The following ZPBP variants were observed in gnomAD, a reference collection of about 807,000 sequenced individuals.
The protein encoded by ZPBP is zona pellucida binding protein, also known as zona pellucida-binding protein 1.
ZPBP carries 26 observed loss-of-function variants against 44.8 expected under a neutral mutation model. The ratio of observed to expected loss-of-function variants is 0.58; its 90% confidence interval spans 0.43 to 0.81. The LOEUF (loss-of-function observed/expected upper bound fraction) is 0.81. Among genes scored for constraint, ZPBP ranks in the 30% least tolerant of loss-of-function variants. The pLI, the probability that ZPBP is intolerant of heterozygous loss-of-function variation, is 0.00. For synonymous variants in ZPBP, 174 were observed against 153.2 expected (o/e 1.14, Z -1.00); for missense variants, 409 against 434.0 (o/e 0.94, Z 0.51).
intron 3 of ZPBP, 122 bp downstream of exon 3, chr7:50,081,652 G>C: frequency 7.9e-7 from 1 of 1,261,050 alleles, no homozygotes; most frequent in East Asian, 2.6e-5. Flanking sequence ...ACTCCAAAAG[G>C]AAATCACAAG....
chr7:49,938,540 C>A (rs1241806244), intron 7 of ZPBP, among the ~76,000 whole-genome samples: 1 of 152,174 alleles, frequency 6.6e-6, no homozygotes, highest in African/African-American at 2.4e-5. Flanking sequence ...AATTTCATAA[C>A]ATTAATGTAT....
intron 4 of ZPBP, among the ~76,000 whole-genome samples, chr7:50,031,702 C>T: frequency 6.6e-6 from 1 of 152,150 alleles, no homozygotes; most frequent in Middle Eastern, 3.4e-3. Context: ...CAACACTTCT[C>T]TAAGTTTAAA....
At chr7:50,061,625 T>C (rs1463762772) in intron 3 of ZPBP, among the ~76,000 whole-genome samples, 1 of 152,204 alleles carries the variant, frequency 6.6e-6, no homozygotes, top group Non-Finnish European at 1.5e-5. Flanking sequence ...TAATGATTTC[T>C]CCTGGCTATT....
chr7:49,940,343 C>A (rs1794820877), intron 7 of ZPBP, among the ~76,000 whole-genome samples: 1 of 151,994 alleles, frequency 6.6e-6, no homozygotes, highest in Non-Finnish European at 1.5e-5. Context: ...ATAATTAACT[C>A]ATATAAATCA....
intron 6 of ZPBP, among the ~76,000 whole-genome samples, chr7:49,984,818 A>G (rs573241436): frequency 6.6e-6 from 1 of 152,296 alleles, no homozygotes; most frequent in Non-Finnish European, 1.5e-5. Context: ...TTCCATCCCC[A>G]TGATATCTCA....
chr7:50,055,357 G>A (rs982214016), intron 4 of ZPBP, among the ~76,000 whole-genome samples: 2 of 152,154 alleles, frequency 1.3e-5, no homozygotes, highest in African/African-American at 4.8e-5. Context: ...TAATAAAATA[G>A]AATCAATTGC....
intron 3 of ZPBP, among the ~76,000 whole-genome samples, chr7:50,072,518 C>T (rs1256745174): frequency 6.6e-6 from 1 of 152,206 alleles, no homozygotes; most frequent in East Asian, 1.9e-4. Flanking sequence ...CAGGCTGGAG[C>T]CATGGAGTGG....
chr7:50,056,378 A>G (rs1800936733), intron 4 of ZPBP: 1 of 152,030 alleles, frequency 6.6e-6, no homozygotes, highest in Non-Finnish European at 1.5e-5. Context: ...TTGTCAGCGC[A>G]TTTCCTTTTT....
At chr7:49,899,645 G>A (rs1183929258) in intron 2 of ZPBP, among the ~76,000 whole-genome samples, 1 of 151,964 alleles carries the variant, frequency 6.6e-6, no homozygotes, top group African/African-American at 2.4e-5. Flanking sequence ...ATATGCATTT[G>A]CCTGAAAACA....
At chr7:50,079,031 G>A (rs911106254) in intron 3 of ZPBP, among the ~76,000 whole-genome samples, 58 of 151,374 alleles carry the variant, frequency 3.8e-4, no homozygotes, top group African/African-American at 1.3e-3. Flanking sequence ...AGTGAATGAG[G>A]ACACATCCCT....
intron 4 of ZPBP, among the ~76,000 whole-genome samples, chr7:50,044,228 G>C (rs1271292839): frequency 6.6e-6 from 1 of 152,062 alleles, no homozygotes; most frequent in Non-Finnish European, 1.5e-5. Flanking sequence ...ATTTAAAATT[G>C]ACACCCCAAC....
At chr7:49,957,647 T>G (rs1392904685) in intron 7 of ZPBP, among the ~76,000 whole-genome samples, 6 of 152,192 alleles carry the variant, frequency 3.9e-5, no homozygotes, top group African/African-American at 1.2e-4. Context: ...TTCCTCCACC[T>G]TTATTTCAAA....
At chr7:49,945,836 C>T (rs1019609898) in intron 7 of ZPBP, among the ~76,000 whole-genome samples, 9 of 151,898 alleles carry the variant, frequency 5.9e-5, no homozygotes, top group Non-Finnish European at 8.8e-5. Context: ...ATTTATATTC[C>T]ATGTTATTAC....
chr7:49,866,578 GAA>G (rs1264732880), intron 2 of ZPBP, among the ~76,000 whole-genome samples: 1 of 152,182 alleles, frequency 6.6e-6, no homozygotes, highest in Non-Finnish European at 1.5e-5. Context: ...ATGTGACTCA[GAA>G]AAGACGGAAA....
At chr7:49,986,564 T>C (rs1797291565) in intron 6 of ZPBP, among the ~76,000 whole-genome samples, 1 of 152,202 alleles carries the variant, frequency 6.6e-6, no homozygotes, top group South Asian at 2.1e-4. Context: ...TCCCTCCTTG[T>C]TGGAAGAACC....
intron 7 of ZPBP, among the ~76,000 whole-genome samples, chr7:49,982,165 TATTATA>T (rs1191470507): frequency 3.7e-5 from 1 of 26,684 alleles, no homozygotes; most frequent in Non-Finnish European, 6.4e-5. Context: ...ATATAATATA[TATTATA>T]TATATATAAT....
chr7:49,937,726 T>C lies in ZPBP; in HGVS notation c.962-104A>G, dbSNP rs1794673447. On this transcript the variant is annotated intron_variant, in intron 7 of 7. Transcript: ENST00000046087. ...GTGTATAGTTCAGTAGTATTAAGCA[T>C]ATTCACACTGTTGTGCAACAAATCT... 17 of 899,520 alleles carry C rather than the reference T, an allele frequency of 1.9e-5. 1 individual carries two copies. Among genetic ancestry groups the C allele is most frequent in the South Asian group, 1.9e-4 (13 of 70,164 alleles). 55.7% of individuals were successfully genotyped at this position (899,520 alleles called of 1,614,324 possible). A position where few individuals can be genotyped will look rare whatever the true frequency, so the allele number is the denominator to read the frequency against.
At chr7:50,068,040 C>A (rs185272144) in intron 3 of ZPBP, among the ~76,000 whole-genome samples, 11 of 152,266 alleles carry the variant, frequency 7.2e-5, no homozygotes, top group African/African-American at 2.6e-4. Context: ...ATCTGGTAGT[C>A]CTAAAGCTGG....
intron 4 of ZPBP, among the ~76,000 whole-genome samples, chr7:50,045,017 T>C (rs1443688578): frequency 6.6e-6 from 1 of 152,152 alleles, no homozygotes; most frequent in Non-Finnish European, 1.5e-5. Context: ...ATAAACGTAA[T>C]CCATCACATA....
Sources: gnomAD v4.1 joint callset for allele counts (sites outside exome capture counted in the v4.1 genomes callset) on GRCh38, gnomAD v4.1.1 for gene constraint, MANE v1.5 for transcripts, NCBI Gene and HGNC (gene_info 2026-07-23, HGNC 2026-07-21) for gene names.